Variants in ZBTB10 observed in about 807,000 individuals in gnomAD.
The protein encoded by ZBTB10 is zinc finger and BTB domain-containing protein 10.
A neutral mutation model predicts 76.4 loss-of-function variants in ZBTB10; 32 were observed. The ratio of observed to expected loss-of-function variants is 0.42; its 90% CI spans 0.32 to 0.56. The LOEUF is 0.56. Ranked by LOEUF, ZBTB10 falls within the 20% of genes least tolerant of loss-of-function variation. The probability of loss-of-function intolerance (pLI) is 0.14; values close to 1 mark genes in which losing one functional copy is unlikely to be tolerated. For missense variants in ZBTB10, 1,057 were observed against 1,098.5 expected (o/e 0.96, Z 0.53); for synonymous variants, 523 against 432.9 (o/e 1.21, Z -2.58).
Position 80,523,425 on chromosome 8 carries a change from C to T in ZBTB10, c.*3897C>T, listed in dbSNP as rs1263834841. On this transcript the variant is annotated 3_prime_UTR_variant, in exon 6 of 6. Transcript: ENST00000455036. Reference sequence around the variant, plus strand: ...TCACTTTGACTATATTAAGACACATCAGTGTAGCACATGCTCTTAACTGGC... The same window carrying T: ...TCACTTTGACTATATTAAGACACATTAGTGTAGCACATGCTCTTAACTGGC... 3 of 151,918 alleles carry T rather than the reference C, an allele frequency of 2.0e-5. No homozygotes were observed. The highest frequency in any genetic ancestry group is 4.4e-5 in the Non-Finnish European group (3 of 67,884). The allele number at this position is 151,918 out of a possible 1,614,324, so 9.4% of individuals were successfully genotyped here.
At chr8:80,485,641 C>G, upstream of ZBTB10, 1 of 614,374 alleles carries the variant, frequency 1.6e-6, no homozygotes, top group Non-Finnish European at 2.7e-6. Flanking sequence ...GTCCGGGGCC[C>G]GAGGTGCTGC....
Position 80,519,757 on chromosome 8 carries a change from TC to T in ZBTB10, c.*230del. The T allele has an allele frequency of 2.3e-6, 1 of 432,870 alleles. No individual in the cohort carries two copies. The highest frequency in any genetic ancestry group is 4.1e-6 in the Non-Finnish European group (1 of 243,588). The allele number at this position is 432,870 out of a possible 1,614,324, so 26.8% of individuals were successfully genotyped here. On this transcript the variant is annotated 3_prime_UTR_variant, in exon 6 of 6. Transcript: ENST00000455036. ...TGGATTACATGGAGTCCCCACATAC[TC>T]AGTCAGTTATCAAAGTAAAATATTT...
rs1381749110 is a variant in ZBTB10 at position 80,521,550 on chromosome 8, C to T, written c.*2022C>T. ...TATATTAAAGAACAAAGATATATAT[C>T]TAAAAATCACCTAAATCTGCTTTAT... On this transcript the variant is annotated 3_prime_UTR_variant, in exon 6 of 6. Transcript: ENST00000455036. 1 of 151,624 alleles carries T rather than the reference C, an allele frequency of 6.6e-6. No homozygotes were observed. The highest frequency in any genetic ancestry group is 1.5e-5 in the Non-Finnish European group (1 of 67,710). 9.4% of individuals were successfully genotyped at this position (151,624 alleles called of 1,614,324 possible).
At chr8:80,501,674 GTA>G (rs780710297) in intron 2 of ZBTB10, among the ~76,000 whole-genome samples, 13 of 152,072 alleles carry the variant, frequency 8.5e-5, no homozygotes, top group African/African-American at 2.4e-4. Flanking sequence ...TTTTGTGTAT[GTA>G]TGTGTGTGTG....
Position 80,522,976 on chromosome 8 carries a change from G to C in ZBTB10, c.*3448G>C, listed in dbSNP as rs1816479094. The C allele has an allele frequency of 6.6e-6, 1 of 151,488 alleles. No homozygotes were observed. Among genetic ancestry groups the C allele is most frequent in the Non-Finnish European group, 1.5e-5 (1 of 67,744 alleles). The allele number at this position is 151,488 out of a possible 1,614,324, so 9.4% of individuals were successfully genotyped here. On this transcript the variant is annotated 3_prime_UTR_variant, in exon 6 of 6. Coordinates refer to ENST00000455036, the MANE Select transcript of ZBTB10 (RefSeq NM_001105539.3). ...TTATTTATATTTTTTAGGATTTTCT[G>C]AACATAGCATGAAGGGTTTAGATTC...
At chr8:80,489,923 C>A (rs1299916393) in intron 1 of ZBTB10, among the ~76,000 whole-genome samples, 1 of 152,194 alleles carries the variant, frequency 6.6e-6, no homozygotes, top group African/African-American at 2.4e-5. Context: ...TATAACTAAT[C>A]TTGAGGGGAT....
intron 2 of ZBTB10, among the ~76,000 whole-genome samples, chr8:80,509,525 C>T (rs1438939004): frequency 6.6e-6 from 1 of 152,132 alleles, no homozygotes; most frequent in Non-Finnish European, 1.5e-5. Context: ...AGGTGCTGTA[C>T]TACTCACTTC....
chr8:80,494,359 G>A (rs1815726651), intron 1 of ZBTB10, among the ~76,000 whole-genome samples: 1 of 152,108 alleles, frequency 6.6e-6, no homozygotes, highest in Non-Finnish European at 1.5e-5. Context: ...ACTTGTAACT[G>A]AAGTTAGCCT....
In ZBTB10 at chr8:80,486,405, T is replaced by C; in HGVS notation, c.-406T>C. The C allele has an allele frequency of 8.2e-6, 8 of 981,222 alleles. No individual in the cohort carries two copies. The highest frequency in any genetic ancestry group is 9.6e-6 in the Non-Finnish European group (8 of 829,258). 60.8% of individuals were successfully genotyped at this position (981,222 alleles called of 1,614,324 possible). A position where few individuals can be genotyped will look rare whatever the true frequency, so the allele number is the denominator to read the frequency against. Reference sequence around the variant, plus strand: ...GGAGGAAGGATATCTGTGTGGAGGATCGGTGTGTGCGCGCGCGGCTTTAAA... The same window carrying C: ...GGAGGAAGGATATCTGTGTGGAGGACCGGTGTGTGCGCGCGCGGCTTTAAA... On this transcript the variant is annotated 5_prime_UTR_variant, in exon 1 of 6. Coordinates refer to ENST00000455036, the MANE Select transcript of ZBTB10 (RefSeq NM_001105539.3).
At chr8:80,505,862 G>A (rs1816037714) in intron 2 of ZBTB10, among the ~76,000 whole-genome samples, 1 of 150,826 alleles carries the variant, frequency 6.6e-6, no homozygotes, top group African/African-American at 2.4e-5. Flanking sequence ...CCCGCAATCA[G>A]CCACACAGAG....
At chr8:80,509,539 C>T (rs561480531) in intron 2 of ZBTB10, among the ~76,000 whole-genome samples, 2 of 152,252 alleles carry the variant, frequency 1.3e-5, no homozygotes, top group African/African-American at 4.8e-5. Context: ...TCACTTCGCA[C>T]GTGATTTGGA....
chr8:80,511,005 C>T (rs1816178291), intron 2 of ZBTB10, among the ~76,000 whole-genome samples: 2 of 152,042 alleles, frequency 1.3e-5, no homozygotes, highest in African/African-American at 4.8e-5. Flanking sequence ...TAATGAGTTG[C>T]TAGGTGGTTT....
At chr8:80,507,206 GC>G (rs1231909481) in intron 2 of ZBTB10, among the ~76,000 whole-genome samples, 1 of 152,078 alleles carries the variant, frequency 6.6e-6, no homozygotes, top group Admixed American at 6.5e-5. Context: ...TACTCGGGAG[GC>G]TGAGGCAGGA....
At chr8:80,493,207 G>GCGCACACACACACACA (rs375071529) in intron 1 of ZBTB10, among the ~76,000 whole-genome samples, 51 of 125,292 alleles carry the variant, frequency 4.1e-4, no homozygotes, top group East Asian at 9.6e-4. Flanking sequence ...GCGCGCGCGC[G>GCGCACACACACACACA]CACACACACA....
intron 2 of ZBTB10, 109 bp downstream of exon 2, chr8:80,500,491 AGTT>A: frequency 8.6e-7 from 1 of 1,168,142 alleles, no homozygotes. Context: ...GTAATACTAA[AGTT>A]GTTTACAAAA....
chr8:80,521,190 G>C lies in ZBTB10; in HGVS notation c.*1662G>C, dbSNP rs1174096967. On this transcript the variant is annotated 3_prime_UTR_variant, in exon 6 of 6. Transcript: ENST00000455036. ...TGTTAGACAATGATGTTTCTGCTTG[G>C]ATAAATCAAAGATAAATTACAGTTA... The C allele has an allele frequency of 6.6e-6, 1 of 151,688 alleles. No homozygotes were observed. The highest frequency in any genetic ancestry group is 1.5e-5 in the Non-Finnish European group (1 of 67,752). 9.4% of individuals were successfully genotyped at this position (151,688 alleles called of 1,614,324 possible).
At chr8:80,519,167 A>G in intron 5 of ZBTB10, 56 bp from the exon 6 acceptor site, 3 of 1,533,012 alleles carry the variant, frequency 2.0e-6, no homozygotes, top group Admixed American at 1.9e-5. Flanking sequence ...GAGTGGTTCA[A>G]ATGCATTCTA....
Position 80,518,447 on chromosome 8 carries a change from A to G in ZBTB10, c.2005A>G (p.Asn669Asp), listed in dbSNP as rs1162895646. Residue 669 changes from asparagine (N) to aspartate (D), a missense_variant, in exon 4 of 6, where the codon AAT (asparagine) becomes GAT (aspartate). Transcript: ENST00000455036. The stretch of plus-strand genomic sequence containing the variant: ...GTATGGTTTGATGCCTGGTCCTTCA[A>G]ATGATTTCAAGTATGGATTGATACC... ...FKYGLMPGPS[N>D]DFKYGLIPGT... is the part of the protein sequence containing the mutation. 1.3e-6 allele frequency: 2 copies of G among 1,553,064 alleles called. No homozygotes were observed. Among genetic ancestry groups the G allele is most frequent in the Non-Finnish European group, 8.7e-7 (1 of 1,147,756 alleles).
intron 2 of ZBTB10, among the ~76,000 whole-genome samples, chr8:80,500,829 A>AATT (rs1416315958): frequency 6.6e-6 from 1 of 152,158 alleles, no homozygotes; most frequent in Non-Finnish European, 1.5e-5. Flanking sequence ...GAATTTTGCC[A>AATT]ATTATGAGAT....
Sources: allele counts gnomAD v4.1 joint callset (sites outside exome capture counted in the v4.1 genomes callset), GRCh38; gene constraint gnomAD v4.1.1; transcripts MANE v1.5; gene names NCBI Gene and HGNC (gene_info 2026-07-23, HGNC 2026-07-21).